Variants in TMEM51 observed in about 807,000 individuals in gnomAD.
The protein encoded by TMEM51 is transmembrane protein 51, also known as chromosome 1 open reading frame 72.
A neutral mutation model predicts 13.6 loss-of-function variants in TMEM51; 8 were observed. That is an observed-to-expected ratio of 0.59 (90% CI 0.35 to 1.07). The LOEUF is 1.07. Among genes scored for constraint, TMEM51 ranks in the 50% least tolerant of loss-of-function variants. The pLI is 0.02. For synonymous variants in TMEM51, 147 were observed against 144.4 expected (o/e 1.02, Z -0.13); for missense variants, 279 against 330.7 (o/e 0.84, Z 1.21).
At chr1:15,215,462 G>T in intron 3 of TMEM51, 31 bp downstream of exon 3, 1 of 1,547,472 alleles carries the variant, frequency 6.5e-7, no homozygotes, top group Non-Finnish European at 8.7e-7. Flanking sequence ...TCCCTCCCCG[G>T]ATCGGGGATG....
chr1:15,164,358 A>G (rs1642908863), intron 1 of TMEM51: 1 of 456,060 alleles, frequency 2.2e-6, no homozygotes, highest in Non-Finnish European at 4.4e-6. Flanking sequence ...GACCTTGAGA[A>G]CTTTGAAGAG....
At chr1:15,179,803 CA>C (rs1471509594) in intron 1 of TMEM51, among the ~76,000 whole-genome samples, 2 of 152,082 alleles carry the variant, frequency 1.3e-5, no homozygotes, top group African/African-American at 4.8e-5. Flanking sequence ...CAAACAAATG[CA>C]AAACCTTCTA....
At chr1:15,187,820 G>A (rs765484487) in intron 1 of TMEM51, among the ~76,000 whole-genome samples, 16 of 151,994 alleles carry the variant, frequency 1.1e-4, no homozygotes, top group Non-Finnish European at 1.9e-4. Context: ...GACCTTAGCA[G>A]CCATCCTCAA....
At chr1:15,193,709 C>G (rs1365666772) in intron 1 of TMEM51, among the ~76,000 whole-genome samples, 1 of 151,866 alleles carries the variant, frequency 6.6e-6, no homozygotes, top group East Asian at 1.9e-4. Flanking sequence ...CGTGCCACCA[C>G]GCCCAGCTAA....
chr1:15,219,649 A>G lies in TMEM51; in HGVS notation c.668A>G (p.Lys223Arg), dbSNP rs1420194215. The change falls in exon 4 of 4, where the codon AAA (lysine) becomes AGA (arginine). Residue 223 changes from lysine to arginine, a missense_variant. Transcript: ENST00000376008. Reference protein sequence around the residue: ...LKDFRINLPDKNVPPPSIEPL... With the variant: ...LKDFRINLPDRNVPPPSIEPL... ...GACTTTAGGATCAACCTCCCAGACA[A>G]AAACGTCCCTCCTCCCTCGATAGAG... is the stretch of plus-strand genomic sequence containing the variant. 6.2e-7 allele frequency: 1 copy of G among 1,614,034 alleles called. No homozygotes were observed. The highest frequency in any genetic ancestry group is 1.3e-5 in the African/African-American group (1 of 75,048).
intron 1 of TMEM51, among the ~76,000 whole-genome samples, chr1:15,201,591 A>G (rs111534807): frequency 1.3e-5 from 2 of 152,296 alleles, no homozygotes; most frequent in African/African-American, 4.8e-5. Flanking sequence ...GTGACTTCCT[A>G]AAAATCGAAG....
intron 3 of TMEM51, among the ~76,000 whole-genome samples, chr1:15,218,471 G>A (rs1046535421): frequency 1.3e-5 from 2 of 152,102 alleles, no homozygotes; most frequent in Non-Finnish European, 2.9e-5. Flanking sequence ...TTCACTTCCT[G>A]CCCTCCCATT....
chr1:15,164,368 G>T (rs1370749611), intron 1 of TMEM51: 1 of 455,974 alleles, frequency 2.2e-6, no homozygotes, highest in African/African-American at 2.0e-5. Context: ...ACTTTGAAGA[G>T]TACTGGTTAG....
rs1040973658 is a variant in TMEM51 at position 15,207,808 on chromosome 1, C to T, written c.-266-2682C>T. ...ATACAGTCACTTTCTCAGGTCACAA[C>T]GGAAATCACATTTATTCTGCATATT... is the stretch of plus-strand genomic sequence containing the variant. On this transcript the variant is annotated intron_variant, in intron 1 of 3. Transcript: ENST00000376008. This position sits in a 1 kb window ranked among gnomAD's most constrained non-coding sequence, Gnocchi z 4.6. 1.4e-4 allele frequency among the ~76,000 whole-genome samples: 21 copies of T among 152,220 alleles called. No homozygotes were observed. The highest frequency in any genetic ancestry group is 6.5e-4 in the Admixed American group (10 of 15,288).
At chr1:15,180,458 C>T (rs991444197) in intron 1 of TMEM51, among the ~76,000 whole-genome samples, 3 of 152,214 alleles carry the variant, frequency 2.0e-5, no homozygotes, top group Non-Finnish European at 2.9e-5. Context: ...ACCAGACAGG[C>T]ACTCTCTGAT....
intron 1 of TMEM51, among the ~76,000 whole-genome samples, chr1:15,180,064 A>G (rs1425698405): frequency 2.0e-5 from 3 of 152,198 alleles, no homozygotes; most frequent in Admixed American, 6.5e-5. Flanking sequence ...CTGGCAACTG[A>G]GTCAGCAGAC....
intron 2 of TMEM51, among the ~76,000 whole-genome samples, chr1:15,213,027 T>C (rs1266914022): frequency 1.3e-5 from 2 of 152,256 alleles, no homozygotes; most frequent in African/African-American, 4.8e-5. Flanking sequence ...CTCTCCCACA[T>C]AGACTTTCTG....
chr1:15,214,386 C>T (rs1644390652), intron 2 of TMEM51, among the ~76,000 whole-genome samples: 1 of 152,124 alleles, frequency 6.6e-6, no homozygotes, highest in Admixed American at 6.5e-5. Flanking sequence ...TGAGCAGCAT[C>T]ATTCTAAGAA....
chr1:15,169,543 C>T (rs2100832450), intron 1 of TMEM51, among the ~76,000 whole-genome samples: 1 of 152,326 alleles, frequency 6.6e-6, no homozygotes, highest in East Asian at 1.9e-4. Context: ...CCCCCAAAAG[C>T]TGATCGCCCT....
intron 1 of TMEM51, among the ~76,000 whole-genome samples, chr1:15,183,236 C>G (rs997981689): frequency 6.6e-6 from 1 of 152,244 alleles, no homozygotes; most frequent in Non-Finnish European, 1.5e-5. Flanking sequence ...TATCCCCCAA[C>G]AGCAGAATTC....
At chr1:15,199,481 T>A (rs901491820) in intron 1 of TMEM51, among the ~76,000 whole-genome samples, 1 of 152,086 alleles carries the variant, frequency 6.6e-6, no homozygotes, top group Non-Finnish European at 1.5e-5. Flanking sequence ...GTTGTGAGGG[T>A]GGGCTAGCCA....
intron 1 of TMEM51, among the ~76,000 whole-genome samples, chr1:15,155,126 C>T (rs1016711414): frequency 5.9e-5 from 9 of 152,200 alleles, no homozygotes; most frequent in African/African-American, 2.2e-4. Flanking sequence ...CTCCAAATAT[C>T]TCACTCCACC....
rs1472355926 is a variant in TMEM51 at position 15,166,848 on chromosome 1, T to A, written c.-267+12894T>A. On this transcript the variant is annotated intron_variant, in intron 1 of 3. Transcript: ENST00000376008. ...CATGTAACCACCACCACAATCAAGA[T>A]GTAGCAAAGTTCCATCACCCCCCAA... Among the ~76,000 whole-genome samples, 2 of 152,168 alleles carry A rather than the reference T, an allele frequency of 1.3e-5. 1 individual carries two copies. The highest frequency in any genetic ancestry group is 4.1e-4 in the South Asian group (2 of 4,826).
chr1:15,208,175 A>T (rs10927721), intron 1 of TMEM51, among the ~76,000 whole-genome samples: 28,552 of 152,138 alleles, frequency 0.19, 2,820 homozygotes, highest in South Asian at 0.23. Flanking sequence ...CTGACTGCAA[A>T]GTGTTATCAT....
Sources: allele counts gnomAD v4.1 joint callset (sites outside exome capture counted in the v4.1 genomes callset), GRCh38; gene constraint gnomAD v4.1.1; non-coding constraint Gnocchi (gnomAD v3.1); transcripts MANE v1.5; gene names NCBI Gene and HGNC (gene_info 2026-07-23, HGNC 2026-07-21).